SHANK2: variants seen among roughly 807,000 people sequenced by gnomAD.
The protein encoded by SHANK2 is SH3 and multiple ankyrin repeat domains protein 2.
SHANK2 carries 43 observed loss-of-function variants against 133.7 expected under a neutral mutation model. The ratio of observed to expected loss-of-function variants is 0.32; its 90% confidence interval spans 0.25 to 0.41. The LOEUF is 0.41. Among genes scored for constraint, SHANK2 ranks in the 10% least tolerant of loss-of-function variants. SHANK2 has a pLI of 1.00. For missense variants in SHANK2, 1,994 were observed against 2,235.8 expected, an observed-to-expected ratio of 0.89 and a Z score of 2.18; for synonymous variants, 1,017 against 952.8, an observed-to-expected ratio of 1.07 and a Z score of -1.24.
At chr11:70,875,776 G>C (rs1197404307) in intron 11 of SHANK2, among the ~76,000 whole-genome samples, 1 of 150,748 alleles carries the variant, frequency 6.6e-6, no homozygotes, top group Non-Finnish European at 1.5e-5. Context: ...GATTATTTGA[G>C]CCCTGGGAGG....
At chr11:70,481,346 C>T (rs897865317) in intron 25 of SHANK2, among the ~76,000 whole-genome samples, 11 of 152,212 alleles carry the variant, frequency 7.2e-5, no homozygotes, top group Admixed American at 5.2e-4. Flanking sequence ...GACTCATTCA[C>T]GGCTAAAGTT....
intron 17 of SHANK2, among the ~76,000 whole-genome samples, chr11:70,601,893 C>A (rs1034195715): frequency 6.6e-6 from 1 of 152,232 alleles, no homozygotes. Flanking sequence ...GGGGCAGCTG[C>A]AGCATGGAGC....
At chr11:70,484,479 A>G (rs1159320557) in intron 25 of SHANK2, among the ~76,000 whole-genome samples, 2 of 152,154 alleles carry the variant, frequency 1.3e-5, no homozygotes, top group African/African-American at 2.4e-5. Context: ...GCAGAAGCCA[A>G]CATCATGCTT....
At chr11:70,482,704 G>T (rs2058752268) in intron 25 of SHANK2, among the ~76,000 whole-genome samples, 1 of 152,238 alleles carries the variant, frequency 6.6e-6, no homozygotes, top group Non-Finnish European at 1.5e-5. Flanking sequence ...AGAGAGCCGG[G>T]CTATAAATAA....
chr11:70,481,883 T>A (rs575939166), intron 25 of SHANK2, among the ~76,000 whole-genome samples: 7 of 152,348 alleles, frequency 4.6e-5, no homozygotes, highest in African/African-American at 1.7e-4. Context: ...GGAGACATGC[T>A]GAGAGATAGG....
rs1017606025 is a variant in SHANK2 at position 71,172,923 on chromosome 11, G to A, written c.-12-25585C>T. On this transcript the variant is annotated intron_variant, in intron 2 of 25. Transcript: ENST00000601538. ...AAAAATGCACGAGCACAGCAAATTC[G>A]TGCTCCTTCAAAGACACTCTCGTGG... Among the ~76,000 whole-genome samples the A allele has an allele frequency of 3.3e-5, 5 of 152,314 alleles. No individual in the cohort carries two copies. The East Asian group carries it at 5.8e-4, about 18-fold the overall frequency.
intron 14 of SHANK2, among the ~76,000 whole-genome samples, chr11:70,714,647 C>T (rs939908973): frequency 7.9e-5 from 12 of 152,200 alleles, no homozygotes; most frequent in Non-Finnish European, 1.8e-4. Context: ...TGATCATTTC[C>T]AAGGTCACCT....
At chr11:70,951,727 G>A (rs566615232) in intron 10 of SHANK2, among the ~76,000 whole-genome samples, 20 of 152,330 alleles carry the variant, frequency 1.3e-4, no homozygotes, top group African/African-American at 4.8e-4. Context: ...CAGTTCTGGA[G>A]GCCAGAAGTC....
intron 14 of SHANK2, among the ~76,000 whole-genome samples, chr11:70,758,132 G>A (rs1946912290): frequency 6.6e-6 from 1 of 152,176 alleles, no homozygotes; most frequent in Non-Finnish European, 1.5e-5. Flanking sequence ...AAAAACAGGA[G>A]GTAAAGAAAT....
At chr11:70,541,178 C>A (rs886204098) in intron 17 of SHANK2, among the ~76,000 whole-genome samples, 1 of 152,174 alleles carries the variant, frequency 6.6e-6, no homozygotes, top group African/African-American at 2.4e-5. Context: ...TTCCCTCCTG[C>A]CTAAGATGGA....
chr11:70,610,506 A>G (rs1554993865), intron 17 of SHANK2, among the ~76,000 whole-genome samples: 1 of 152,180 alleles, frequency 6.6e-6, no homozygotes, highest in East Asian at 1.9e-4. Context: ...AGCTTCTCCC[A>G]TGCAAACTCA....
chr11:71,118,903 C>T lies in SHANK2; in HGVS notation c.337G>A (p.Gly113Ser), dbSNP rs782517914. ...AGCCGCTCCTCATCCAGGAACTTGC[C>T]GTCACGCCCATTGCTGGCCGGCTGG... ...LFQPASNGRD[G>S]KFLDEERLLR... The change falls in exon 4 of 26, where the codon GGC becomes AGC. Residue 113 changes from glycine to serine, a missense_variant. Transcript: ENST00000601538. 9 of 1,551,756 alleles carry T rather than the reference C, an allele frequency of 5.8e-6. No homozygotes were observed. The highest frequency in any genetic ancestry group is 4.9e-5 in the East Asian group (2 of 40,916).
intron 11 of SHANK2, among the ~76,000 whole-genome samples, chr11:70,883,904 C>T (rs1407154587): frequency 1.3e-5 from 2 of 152,222 alleles, no homozygotes; most frequent in African/African-American, 4.8e-5. Flanking sequence ...CTGCCTTGGT[C>T]ATGACCTTGG....
chr11:70,834,472 C>T (rs1948775512), intron 11 of SHANK2, among the ~76,000 whole-genome samples: 1 of 152,206 alleles, frequency 6.6e-6, no homozygotes, highest in Non-Finnish European at 1.5e-5. Context: ...TATGCAAGAG[C>T]CTCAGCCAGC....
chr11:71,198,240 T>C (rs113120501), intron 2 of SHANK2, among the ~76,000 whole-genome samples: 4,646 of 152,302 alleles, frequency 0.031, 106 homozygotes, highest in African/African-American at 0.062. Context: ...TGAGCCACTG[T>C]ACTCAGGCAC....
At chr11:71,123,588 C>A (rs142311523) in intron 3 of SHANK2, among the ~76,000 whole-genome samples, 10 of 152,258 alleles carry the variant, frequency 6.6e-5, no homozygotes, top group Non-Finnish European at 1.3e-4. Flanking sequence ...CTTAAGTGAC[C>A]CTTCCTGGTC....
chr11:70,638,366 G>A (rs1042823136), intron 17 of SHANK2, among the ~76,000 whole-genome samples: 2 of 152,220 alleles, frequency 1.3e-5, no homozygotes, highest in Non-Finnish European at 2.9e-5. Flanking sequence ...CTATTGTCAC[G>A]GAACCCTGCA....
chr11:71,102,363 T>C (rs577573857), intron 6 of SHANK2, among the ~76,000 whole-genome samples: 175 of 152,314 alleles, frequency 1.1e-3, no homozygotes, highest in Admixed American at 4.6e-3. Context: ...TTTGTTTTCA[T>C]TGACAGGTCG....
At position 70,500,594 on chromosome 11, in the gene SHANK2, G is replaced by GCAAA; in HGVS notation, c.2288-8_2288-5dup. 1.9e-6 allele frequency: 3 copies of GCAAA among 1,601,744 alleles called. No individual in the cohort carries two copies. Among genetic ancestry groups the GCAAA allele is most frequent in the Non-Finnish European group, 2.6e-6 (3 of 1,174,330 alleles). ...CCCTTCTTCTTCCGGACCGAGGCTT[G>GCAAA]CAAACAGAAAGGGGACCGCCATGAG... On this transcript the variant is annotated splice_region_variant and splice_polypyrimidine_tract_variant and intron_variant, in intron 20 of 25. Coordinates refer to ENST00000601538, the MANE Select transcript of SHANK2 (RefSeq NM_012309.5). This position sits in a 1 kb window ranked among gnomAD's most constrained non-coding sequence, Gnocchi z 4.5.
Sources: allele counts gnomAD v4.1 joint callset (sites outside exome capture counted in the v4.1 genomes callset), GRCh38; gene constraint gnomAD v4.1.1; non-coding constraint Gnocchi (gnomAD v3.1); transcripts MANE v1.5; gene names NCBI Gene and HGNC (gene_info 2026-07-23, HGNC 2026-07-21).